Variants in ABCC12 observed in about 807,000 individuals in gnomAD.
The protein encoded by ABCC12 is ATP-binding cassette sub-family C member 12.
ABCC12 carries 142 observed loss-of-function variants against 151.1 expected under a neutral mutation model. The ratio of observed to expected loss-of-function variants is 0.94; its 90% CI spans 0.82 to 1.08. The LOEUF (loss-of-function observed/expected upper bound fraction) is 1.08, where lower values mean the gene tolerates loss of function less well. ABCC12 is among the 50% of genes least tolerant of loss of function. The pLI is 0.00. For missense variants in ABCC12, 1,638 were observed against 1,691.1 expected (o/e 0.97, Z 0.55); for synonymous variants, 645 against 646.4 (o/e 1.00, Z 0.03).
At chr16:48,139,464 G>T (rs1315796573) in intron 6 of ABCC12, 128 bp from the exon 7 acceptor site, 5 of 987,568 alleles carry the variant, frequency 5.1e-6, no homozygotes, top group South Asian at 1.7e-5. Flanking sequence ...GCAGGAAGGG[G>T]TCACCGGGGA....
At chr16:48,146,743 G>T (rs1221055833) in intron 2 of ABCC12, 1 of 252,520 alleles carries the variant, frequency 4.0e-6, no homozygotes, top group Non-Finnish European at 7.6e-6. Flanking sequence ...GTGTGGTTTT[G>T]GTTGGGAGCC....
Position 48,087,950 on chromosome 16 carries a change from G to T in ABCC12, c.3611C>A (p.Pro1204His), listed in dbSNP as rs1962693389. The T allele has an allele frequency of 6.2e-7, 1 of 1,613,944 alleles. No individual in the cohort carries two copies. Among genetic ancestry groups the T allele is most frequent in the African/African-American group, 1.3e-5 (1 of 74,910 alleles). Residue 1204 changes from proline (P) to histidine (H), a missense_variant, in exon 27 of 31, where the codon CCT (proline) becomes CAT (histidine). Transcript: ENST00000311303. ...RTKLTVIPQDPVLFVGTVRYN... is the reference protein window; with the variant it reads ...RTKLTVIPQDHVLFVGTVRYN... ...CCTTACTGTACCTACAAACAGGACA[G>T]GATCCTGTGGGATCACAGTCAGCTT...
At position 48,121,805 on chromosome 16, in the gene ABCC12, TC is replaced by T. The variant is rs746152199; in HGVS notation, c.1622del (p.Gly541GlufsTer17). 35 of 1,614,150 alleles carry T rather than the reference TC, an allele frequency of 2.2e-5. No individual in the cohort carries two copies. The highest frequency in any genetic ancestry group is 2.9e-5 in the Non-Finnish European group (34 of 1,180,032). ...CCTGCTGTGAAACGTAGGCCAAAGT[TC>T]CATTGACTGCCACCACCCCTTTCTG... ...QLQKGVVAVN[G>X]TLAYVSQQAW... is the part of the protein sequence containing the mutation. On this transcript the variant is annotated frameshift_variant, in exon 13 of 31. Transcript: ENST00000311303. LOFTEE classifies it high-confidence loss of function.
In ABCC12 at chr16:48,138,225, T is replaced by C; in HGVS notation, c.979+3A>G. 1 of 1,598,096 alleles carries C rather than the reference T, an allele frequency of 6.3e-7. No homozygotes were observed. Among genetic ancestry groups the C allele is most frequent in the South Asian group, 1.1e-5 (1 of 89,718 alleles). On this transcript the variant is annotated splice_donor_region_variant and intron_variant, in intron 8 of 30. Coordinates refer to ENST00000311303, the MANE Select transcript of ABCC12 (RefSeq NM_001393797.1). Reference sequence around the variant, plus strand: ...GTTCTTTAAGCAGCTACTCTTGTCCTACCTTGGATAGTGTTGGTAAAAGAT... The same window carrying C: ...GTTCTTTAAGCAGCTACTCTTGTCCCACCTTGGATAGTGTTGGTAAAAGAT...
At chr16:48,099,169 G>A (rs546249225) in intron 23 of ABCC12, among the ~76,000 whole-genome samples, 1 of 152,202 alleles carries the variant, frequency 6.6e-6, no homozygotes, top group East Asian at 1.9e-4. Flanking sequence ...TATAATCCCC[G>A]CACTCTTGGA....
At chr16:48,123,149 T>A (rs569714544) in intron 12 of ABCC12, among the ~76,000 whole-genome samples, 4 of 152,170 alleles carry the variant, frequency 2.6e-5, no homozygotes, top group African/African-American at 9.7e-5. Context: ...CCAATATACA[T>A]CAAAACTCTC....
chr16:48,126,256 C>T (rs1964234378), intron 11 of ABCC12, among the ~76,000 whole-genome samples: 1 of 152,132 alleles, frequency 6.6e-6, no homozygotes, highest in Non-Finnish European at 1.5e-5. Context: ...CCCTTTGAGT[C>T]CTATCCACTT....
At chr16:48,149,401 AAAC>A (rs1965088316) in intron 2 of ABCC12, among the ~76,000 whole-genome samples, 1 of 152,194 alleles carries the variant, frequency 6.6e-6, no homozygotes, top group Non-Finnish European at 1.5e-5. Flanking sequence ...TTCAATTAAA[AAAC>A]AAAGATTGTC....
intron 9 of ABCC12, among the ~76,000 whole-genome samples, chr16:48,132,430 T>C (rs1315875103): frequency 6.6e-6 from 1 of 152,226 alleles, no homozygotes; most frequent in Non-Finnish European, 1.5e-5. Flanking sequence ...AAGACCATTC[T>C]GGCTTTGCAA....
chr16:48,119,781 T>C (rs1964006423), intron 13 of ABCC12, among the ~76,000 whole-genome samples: 1 of 152,194 alleles, frequency 6.6e-6, no homozygotes, highest in Admixed American at 6.5e-5. Flanking sequence ...TTGTGATGCC[T>C]GGGAAGGTTT....
chr16:48,107,600 T>A (rs552105679), intron 19 of ABCC12, among the ~76,000 whole-genome samples, 175 bp from the exon 20 acceptor site: 1 of 152,344 alleles, frequency 6.6e-6, no homozygotes, highest in African/African-American at 2.4e-5. Context: ...GACCCTGAAC[T>A]GTGGGGACAT....
intron 27 of ABCC12, 23 bp from the exon 28 acceptor site, chr16:48,086,842 A>G: frequency 6.3e-7 from 1 of 1,591,060 alleles, no homozygotes; most frequent in Non-Finnish European, 8.6e-7. Context: ...AGAGGAGAGG[A>G]CAGGGAGCCA....
At chr16:48,124,506 G>A (rs1016941702) in intron 11 of ABCC12, among the ~76,000 whole-genome samples, 1 of 152,208 alleles carries the variant, frequency 6.6e-6, no homozygotes, top group African/African-American at 2.4e-5. Context: ...TCCCTTGTGT[G>A]GCATAGCCAA....
At chr16:48,119,608 C>A (rs1047028829) in intron 13 of ABCC12, among the ~76,000 whole-genome samples, 2 of 152,190 alleles carry the variant, frequency 1.3e-5, no homozygotes, top group African/African-American at 4.8e-5. Context: ...ACGGCATGGC[C>A]GGGGAAGAGG....
chr16:48,111,990 C>T (rs1380138415), intron 15 of ABCC12, 80 bp from the exon 16 acceptor site: 5 of 1,527,988 alleles, frequency 3.3e-6, no homozygotes, highest in Non-Finnish European at 3.5e-6. Flanking sequence ...CCTTAGTTAC[C>T]ACTGTTGACT....
intron 23 of ABCC12, 105 bp from the exon 24 acceptor site, chr16:48,097,007 TG>T: frequency 7.2e-7 from 1 of 1,392,690 alleles, no homozygotes; most frequent in African/African-American, 1.4e-5. Context: ...ACTGGAGAAA[TG>T]AGGCCAAGGA....
At chr16:48,129,379 G>A (rs1597318940) in intron 10 of ABCC12, among the ~76,000 whole-genome samples, 1 of 152,292 alleles carries the variant, frequency 6.6e-6, no homozygotes, top group Non-Finnish European at 1.5e-5. Context: ...CTGTACAGGT[G>A]TTGTACAGGC....
rs557799903 is a variant in ABCC12, at chr16:48,097,248, C to T, written c.3039-346G>A. ...GTGCCGAGTGCTTCACATTCTGACT[C>T]CAAAGGATCCCTATCGTGGAGTCAG... is the stretch of plus-strand genomic sequence containing the variant. On this transcript the variant is annotated intron_variant, in intron 23 of 30. Coordinates refer to ENST00000311303, the MANE Select transcript of ABCC12 (RefSeq NM_001393797.1). Among the ~76,000 whole-genome samples the T allele has an allele frequency of 9.9e-5, 15 of 152,070 alleles. No homozygotes were observed. In the South Asian group the frequency reaches 3.1e-3, roughly 32 times the overall value.
intron 18 of ABCC12, 93 bp downstream of exon 18, chr16:48,111,343 G>T: frequency 6.9e-7 from 1 of 1,442,948 alleles, no homozygotes; most frequent in Non-Finnish European, 9.7e-7. Context: ...TGCCCAAAAT[G>T]ACATGCACAG....
Sources: gnomAD v4.1 joint callset for allele counts (sites outside exome capture counted in the v4.1 genomes callset) on GRCh38, gnomAD v4.1.1 for gene constraint, MANE v1.5 for transcripts, NCBI Gene and HGNC (gene_info 2026-07-23, HGNC 2026-07-21) for gene names.